PLCH1: variants seen among roughly 807,000 people sequenced by gnomAD.
PLCH1 encodes phospholipase C eta 1.
PLCH1 carries 60 observed loss-of-function variants against 126.7 expected under a neutral mutation model. The ratio of observed to expected loss-of-function variants is 0.47; its 90% CI spans 0.38 to 0.59. The LOEUF is 0.59. Among genes scored for constraint, PLCH1 ranks in the 20% least tolerant of loss-of-function variants. The pLI, the probability that PLCH1 is intolerant of heterozygous loss-of-function variation, is 0.00. For missense variants in PLCH1, 1,723 were observed against 2,040.0 expected (o/e 0.84, Z 2.99); for synonymous variants, 719 against 734.9 (o/e 0.98, Z 0.35).
At chr3:155,486,243 T>C (rs1715067800) in intron 21 of PLCH1, 4 of 1,312,646 alleles carry the variant, frequency 3.0e-6, no homozygotes, top group Non-Finnish European at 3.2e-6. Context: ...CAAAACACAA[T>C]TGGGGCTCAT....
intron 1 of PLCH1, among the ~76,000 whole-genome samples, chr3:155,731,986 CA>C (rs11449385): frequency 0.045 from 3,083 of 68,196 alleles, 100 homozygotes; most frequent in African/African-American, 0.14. Flanking sequence ...GACCCTGTCT[CA>C]AAAAAAAAAA....
intron 21 of PLCH1, chr3:155,486,284 A>C (rs892730820): frequency 1.2e-6 from 1 of 831,844 alleles, no homozygotes; most frequent in African/African-American, 1.7e-5. Flanking sequence ...AACACAAAAG[A>C]AAAAATGCAT....
At chr3:155,561,347 T>C (rs1225358301) in intron 8 of PLCH1, among the ~76,000 whole-genome samples, 3 of 144,386 alleles carry the variant, frequency 2.1e-5, no homozygotes, top group African/African-American at 7.7e-5. Context: ...TGTGCTCTCA[T>C]TGTTCAATTC....
In PLCH1 at chr3:155,596,396, G is replaced by C. The variant is rs551418915; in HGVS notation, c.80-18C>G. On this transcript the variant is annotated intron_variant, in intron 2 of 22. Coordinates refer to ENST00000460012, the MANE Select transcript of PLCH1 (RefSeq NM_014996.4). ...TCTTTCAACTGCAAAAGAAATTAGA[G>C]TGTATCCAGCTATCACACAATGCAC... 2 of 1,607,258 alleles carry C rather than the reference G, an allele frequency of 1.2e-6. No homozygotes were observed. Among genetic ancestry groups the C allele is most frequent in the South Asian group, 2.2e-5 (2 of 89,756 alleles).
intron 10 of PLCH1, among the ~76,000 whole-genome samples, chr3:155,531,084 G>A (rs1365652407): frequency 5.5e-5 from 2 of 36,626 alleles, no homozygotes; most frequent in African/African-American, 1.0e-4. Flanking sequence ...GTAAAAATAT[G>A]TGCTGTCATC....
intron 14 of PLCH1, among the ~76,000 whole-genome samples, chr3:155,500,019 T>A (rs577178081): frequency 6.6e-6 from 1 of 152,270 alleles, no homozygotes; most frequent in South Asian, 2.1e-4. Context: ...AGTGTGTATA[T>A]GTATCCATAT....
chr3:155,606,238 T>C (rs567012170), intron 2 of PLCH1, among the ~76,000 whole-genome samples: 2 of 152,204 alleles, frequency 1.3e-5, no homozygotes, highest in Non-Finnish European at 2.9e-5. Flanking sequence ...CTACCCTTGA[T>C]GCCCACAAGT....
In PLCH1 at chr3:155,594,395, A is replaced by AC. The variant is rs561694148; in HGVS notation, c.227-212dup. Among the ~76,000 whole-genome samples the AC allele has an allele frequency of 7.2e-5, 11 of 151,818 alleles. No individual in the cohort carries two copies. In the East Asian group the frequency reaches 2.1e-3, roughly 29 times the overall value. On this transcript the variant is annotated intron_variant, in intron 3 of 22. Coordinates refer to ENST00000460012, the MANE Select transcript of PLCH1 (RefSeq NM_014996.4). ...AGACCAGCCTGGGCAACATGGTGAA[A>AC]CCCCGTCTCTGCTAAAATAAAAAAA... is the stretch of plus-strand genomic sequence containing the variant.
chr3:155,722,951 T>C (rs899294816), intron 1 of PLCH1, among the ~76,000 whole-genome samples: 6 of 152,220 alleles, frequency 3.9e-5, no homozygotes, highest in African/African-American at 7.2e-5. Flanking sequence ...CATCTGGTCC[T>C]GGACTTTTCT....
chr3:155,726,878 C>CTTTTTTTT (rs201977097), intron 1 of PLCH1, among the ~76,000 whole-genome samples: 4 of 133,126 alleles, frequency 3.0e-5, no homozygotes, highest in East Asian at 2.1e-4. Flanking sequence ...TTTCTTTTTT[C>CTTTTTTTT]TTTTTTTTTT....
chr3:155,550,974 T>C (rs1576990605), intron 9 of PLCH1, among the ~76,000 whole-genome samples: 1 of 152,122 alleles, frequency 6.6e-6, no homozygotes, highest in African/African-American at 2.4e-5. Context: ...GTGGCTGAGG[T>C]AGGTTTCCTT....
At chr3:155,626,626 G>C (rs139762738) in intron 2 of PLCH1, among the ~76,000 whole-genome samples, 6 of 151,792 alleles carry the variant, frequency 4.0e-5, no homozygotes, top group Non-Finnish European at 8.8e-5. Flanking sequence ...AAAATTAGCC[G>C]GGCGTGGTGG....
intron 1 of PLCH1, among the ~76,000 whole-genome samples, 157 bp downstream of exon 1, chr3:155,744,683 C>T (rs1217541530): frequency 6.6e-6 from 1 of 152,202 alleles, no homozygotes; most frequent in Non-Finnish European, 1.5e-5. Context: ...TCCCCACGCA[C>T]AGCACTCACA....
rs773701811 is a variant in PLCH1, at chr3:155,492,842, G to A, written c.2194C>T (p.Pro732Ser). The change falls in exon 18 of 23, where the codon CCT becomes TCT. Residue 732 changes from proline (P) to serine (S), a missense_variant. Physicochemically the swap from Pro to Ser is moderately conservative, Grantham distance 74. Coordinates refer to ENST00000460012, the MANE Select transcript of PLCH1 (RefSeq NM_014996.4). ...GCAGGAAGAGGGTCACCAGAGAAAG[G>A]GTTGAAAGTACCTAGGCCAAGTAAA... ...PQQMCKGTFN[P>S]FSGDPLPANP... The A allele has an allele frequency of 9.4e-6, 15 of 1,597,966 alleles. No homozygotes were observed. The highest frequency in any genetic ancestry group is 1.7e-4 in the Middle Eastern group (1 of 6,022).
intron 6 of PLCH1, among the ~76,000 whole-genome samples, chr3:155,570,444 C>T (rs1022328753): frequency 6.6e-6 from 1 of 152,118 alleles, no homozygotes; most frequent in African/African-American, 2.4e-5. Context: ...GAGTCACTTG[C>T]TGTCTCCAAT....
chr3:155,596,205 A>C (rs1333993707), intron 3 of PLCH1, 27 bp downstream of exon 3: 1 of 1,595,576 alleles, frequency 6.3e-7, no homozygotes, highest in Non-Finnish European at 8.6e-7. Flanking sequence ...TGTCCAGCCA[A>C]GCAAAGAATT....
intron 2 of PLCH1, among the ~76,000 whole-genome samples, chr3:155,675,284 T>G (rs1346908111): frequency 6.6e-6 from 1 of 152,152 alleles, no homozygotes; most frequent in Admixed American, 6.5e-5. Flanking sequence ...GAAGGTAACT[T>G]TAGAAGACAT....
At chr3:155,533,256 G>C (rs1407189318) in intron 10 of PLCH1, among the ~76,000 whole-genome samples, 1 of 151,736 alleles carries the variant, frequency 6.6e-6, no homozygotes, top group Non-Finnish European at 1.5e-5. Context: ...TGATAGAAAA[G>C]AAAAATCCAG....
At chr3:155,690,650 G>T (rs1211150802) in intron 2 of PLCH1, among the ~76,000 whole-genome samples, 2 of 152,088 alleles carry the variant, frequency 1.3e-5, no homozygotes, top group Non-Finnish European at 2.9e-5. Flanking sequence ...TGGGGGTCTT[G>T]GTCATCAGCT....
Sources: gnomAD v4.1 joint callset for allele counts (sites outside exome capture counted in the v4.1 genomes callset) on GRCh38, gnomAD v4.1.1 for gene constraint, MANE v1.5 for transcripts, NCBI Gene and HGNC (gene_info 2026-07-23, HGNC 2026-07-21) for gene names.